The following EOGT variants were observed in gnomAD, a reference collection of about 807,000 sequenced individuals.
EOGT encodes the protein EGF domain-specific O-linked N-acetylglucosamine transferase.
A neutral mutation model predicts 70.5 loss-of-function variants in EOGT; 55 were observed. That is an observed-to-expected ratio of 0.78 (90% confidence interval 0.63 to 0.98). The LOEUF (loss-of-function observed/expected upper bound fraction) is 0.98, where lower values mean the gene tolerates loss of function less well. Among genes scored for constraint, EOGT ranks in the 50% least tolerant of loss-of-function variants. The probability of loss-of-function intolerance (pLI) is 0.00; values close to 1 mark genes in which losing one functional copy is unlikely to be tolerated. For synonymous variants in EOGT, 246 were observed against 217.1 expected (o/e 1.13, Z -1.17); for missense variants, 703 against 641.9 (o/e 1.10, Z -1.03).
Position 68,989,053 on chromosome 3 carries a change from A to G in EOGT, c.832-36T>C, listed in dbSNP as rs145160784. On this transcript the variant is annotated intron_variant, in intron 10 of 17. Transcript: ENST00000383701. ...AAACAAAACAAGGTTTTAGGGCAATAAAAGGATATAACATGACTTTTCAAA... is the reference window on the plus strand; with the variant it reads ...AAACAAAACAAGGTTTTAGGGCAATGAAAGGATATAACATGACTTTTCAAA... 1.1e-3 allele frequency: 1,320 copies of G among 1,243,948 alleles called. 14 individuals carry two copies. In the African/African-American group the frequency reaches 0.018, roughly 17 times the overall value. The allele number at this position is 1,243,948 out of a possible 1,614,324, so 77.1% of individuals were successfully genotyped here. A position where few individuals can be genotyped will look rare whatever the true frequency, so the allele number is the denominator to read the frequency against.
intron 15 of EOGT, among the ~76,000 whole-genome samples, chr3:68,981,209 T>C (rs961305626): frequency 6.6e-5 from 10 of 152,354 alleles, no homozygotes; most frequent in African/African-American, 2.2e-4. Flanking sequence ...TAGCTGTTTT[T>C]ACAATTGCTA....
rs146049288 is a variant in EOGT at position 69,009,726 on chromosome 3, G to C, written c.121C>G (p.Arg41Gly). 1.2e-6 allele frequency: 2 copies of C among 1,613,996 alleles called. No homozygotes were observed. The highest frequency in any genetic ancestry group is 1.3e-5 in the African/African-American group (1 of 74,990). ...AAGGGAATGTGCTCCTCTGGCAAGC[G>C]GATGCTGGCATAGTTATACAGAGGT... ...GEPLYNYASIRLPEEHIPFFL... is the reference protein window; with the variant it reads ...GEPLYNYASIGLPEEHIPFFL... The change falls in exon 4 of 18, where the codon CGC becomes GGC. Residue 41 changes from arginine (R) to glycine (G), a missense_variant. By Grantham distance (125) the Arg-to-Gly change is moderately radical. Transcript: ENST00000383701.
Position 68,976,636 on chromosome 3 carries a change from C to T in EOGT, c.*982G>A, listed in dbSNP as rs2090478125. 1 of 67,248 alleles carries T rather than the reference C, an allele frequency of 1.5e-5. No individual in the cohort carries two copies. The highest frequency in any genetic ancestry group is 3.0e-5 in the Non-Finnish European group (1 of 32,980). The allele number at this position is 67,248 out of a possible 1,614,324, so 4.2% of individuals were successfully genotyped here. A position where few individuals can be genotyped will look rare whatever the true frequency, so the allele number is the denominator to read the frequency against. On this transcript the variant is annotated 3_prime_UTR_variant, in exon 18 of 18. Transcript: ENST00000383701. ...TATAGCTTGGTACTGAGAATCACAA[C>T]TCTGCGTGTGTGTGTGTGTGTGTGT...
chr3:68,981,310 C>T (rs936895852), intron 15 of EOGT, among the ~76,000 whole-genome samples: 1 of 152,220 alleles, frequency 6.6e-6, no homozygotes, highest in African/African-American at 2.4e-5. Context: ...GTGACCAGCT[C>T]ATGGGTCCCC....
At position 69,009,872 on chromosome 3, in the gene EOGT, A is replaced by T. The variant is rs9812253; in HGVS notation, c.-14-12T>A. On this transcript the variant is annotated splice_polypyrimidine_tract_variant and intron_variant, in intron 3 of 17. Transcript: ENST00000383701. ...AGCAACCTGCAAACCTAGAGATCAAAATGAAGACAACTTTGTTAACAAATT... is the reference window on the plus strand; with the variant it reads ...AGCAACCTGCAAACCTAGAGATCAATATGAAGACAACTTTGTTAACAAATT... The T allele has an allele frequency of 5.7e-6, 9 of 1,582,686 alleles. 1 individual carries two copies. The African/African-American group carries it at 1.1e-4, about 19-fold the overall frequency.
chr3:68,978,680 C>T (rs1426494835), intron 16 of EOGT, among the ~76,000 whole-genome samples: 1 of 146,472 alleles, frequency 6.8e-6, no homozygotes, highest in East Asian at 2.4e-4. Context: ...TTCAATAGGG[C>T]CTGCTGCCTA....
intron 15 of EOGT, among the ~76,000 whole-genome samples, chr3:68,980,843 C>T (rs903626901): frequency 5.9e-5 from 9 of 152,196 alleles, no homozygotes; most frequent in Non-Finnish European, 8.8e-5. Context: ...AATCCCCATG[C>T]CAACATGTTA....
In EOGT at chr3:68,975,865, TTGTG is replaced by T. The variant is rs2090459875; in HGVS notation, c.*1749_*1752del. ...TCTGTAAAGGTCCAGATATTTTGTTTTGTGTGTCATTTTTCTGATGGATATTTTT... is the reference window on the plus strand; with the variant it reads ...TCTGTAAAGGTCCAGATATTTTGTTTTGTCATTTTTCTGATGGATATTTTT... On this transcript the variant is annotated 3_prime_UTR_variant, in exon 18 of 18. Coordinates refer to ENST00000383701, the MANE Select transcript of EOGT (RefSeq NM_001278689.2). 6.6e-6 allele frequency: 1 copy of T among 152,248 alleles called. No homozygotes were observed. The highest frequency in any genetic ancestry group is 6.5e-5 in the Admixed American group (1 of 15,282). The allele number at this position is 152,248 out of a possible 1,614,324, so 9.4% of individuals were successfully genotyped here.
chr3:68,992,343 A>T (rs2091017242), intron 10 of EOGT, among the ~76,000 whole-genome samples: 1 of 152,178 alleles, frequency 6.6e-6, no homozygotes, highest in South Asian at 2.1e-4. Context: ...AAATGGGAGA[A>T]ATTGGCCAAA....
Position 69,009,849 on chromosome 3 carries a change from C to A in EOGT, c.-3G>T, listed in dbSNP as rs773177377. 1 of 1,605,746 alleles carries A rather than the reference C, an allele frequency of 6.2e-7. No homozygotes were observed. The highest frequency in any genetic ancestry group is 1.7e-5 in the Admixed American group (1 of 59,344). On this transcript the variant is annotated 5_prime_UTR_variant, in exon 4 of 18. Transcript: ENST00000383701. The stretch of plus-strand genomic sequence containing the variant: ...CCAAAGACAAACAACATTAACATAG[C>A]AACCTGCAAACCTAGAGATCAAAAT...
In EOGT at chr3:68,988,569, A is replaced by T; in HGVS notation, c.933T>A (p.Phe311Leu). The change falls in exon 12 of 18, where the codon TTT (phenylalanine) becomes TTA (leucine). Residue 311 changes from phenylalanine to leucine, a missense_variant. Coordinates refer to ENST00000383701, the MANE Select transcript of EOGT (RefSeq NM_001278689.2). ...GGAGTAATGAAAAAACAGCTTCTTT[A>T]AAACATACCTAAGAACAAAGATACA... ...LKTYDSKRVC[F>L]KEAVFSLLPR... 1 of 1,528,128 alleles carries T rather than the reference A, an allele frequency of 6.5e-7. No individual in the cohort carries two copies. The highest frequency in any genetic ancestry group is 8.8e-7 in the Non-Finnish European group (1 of 1,141,952). 94.7% of individuals were successfully genotyped at this position (1,528,128 alleles called of 1,614,324 possible).
intron 13 of EOGT, chr3:68,987,870 T>C: frequency 5.9e-6 from 2 of 338,696 alleles, no homozygotes; most frequent in South Asian, 9.2e-5. Flanking sequence ...AGCTTCTCTT[T>C]TATAGGTTTT....
At chr3:68,991,670 C>T (rs1212659864) in intron 10 of EOGT, among the ~76,000 whole-genome samples, 1 of 152,118 alleles carries the variant, frequency 6.6e-6, no homozygotes, top group African/African-American at 2.4e-5. Flanking sequence ...AACATATTGG[C>T]CAGGCTCATG....
chr3:68,987,531 C>T lies in EOGT; in HGVS notation c.1084-18G>A, dbSNP rs370375193. 25 of 1,599,868 alleles carry T rather than the reference C, an allele frequency of 1.6e-5. No homozygotes were observed. The highest frequency in any genetic ancestry group is 3.3e-5 in the Admixed American group (2 of 59,834). On this transcript the variant is annotated intron_variant, in intron 13 of 17. Transcript: ENST00000383701. ...TTTCCATCCTGTAATCAAAATGAAACGGTAAAATAACACTGCATATGCCTG... is the reference window on the plus strand; with the variant it reads ...TTTCCATCCTGTAATCAAAATGAAATGGTAAAATAACACTGCATATGCCTG...
intron 10 of EOGT, among the ~76,000 whole-genome samples, chr3:68,995,702 A>G (rs1224333308): frequency 1.3e-5 from 2 of 152,170 alleles, no homozygotes; most frequent in Non-Finnish European, 2.9e-5. Flanking sequence ...CCATCTGATA[A>G]ATTTCTGTCA....
intron 4 of EOGT, 116 bp from the exon 5 acceptor site, chr3:69,008,644 G>T: frequency 4.3e-6 from 3 of 692,444 alleles, no homozygotes; most frequent in East Asian, 2.7e-5. Flanking sequence ...TTTATAATAC[G>T]TATTCTTATA....
chr3:69,004,375 T>C lies in EOGT; in HGVS notation c.620+3A>G, dbSNP rs1234372021. On this transcript the variant is annotated splice_donor_region_variant and intron_variant, in intron 8 of 17. Transcript: ENST00000383701. ...CGAAACAGATACGTTAAAAATATCT[T>C]ACCATGACTGCAGAGGGCTTTTGCG... is the stretch of plus-strand genomic sequence containing the variant. The C allele has an allele frequency of 6.2e-7, 1 of 1,608,344 alleles. No homozygotes were observed.
chr3:69,004,355 C>G (rs2091382542), intron 8 of EOGT, 23 bp downstream of exon 8: 2 of 1,561,630 alleles, frequency 1.3e-6, no homozygotes, highest in Admixed American at 1.7e-5. Context: ...ATTTCCGAAA[C>G]AGATACGTTA....
At chr3:68,980,349 A>T (rs1307266425) in intron 15 of EOGT, among the ~76,000 whole-genome samples, 1 of 152,220 alleles carries the variant, frequency 6.6e-6, no homozygotes, top group African/African-American at 2.4e-5. Flanking sequence ...ATGATCTCAG[A>T]TACCACCAGG....
Sources: gnomAD v4.1 joint callset for allele counts (sites outside exome capture counted in the v4.1 genomes callset) on GRCh38, gnomAD v4.1.1 for gene constraint, MANE v1.5 for transcripts, NCBI Gene and HGNC (gene_info 2026-07-23, HGNC 2026-07-21) for gene names.